The following WBP2 variants were observed in gnomAD, a reference collection of about 807,000 sequenced individuals.
The protein encoded by WBP2 is WW domain binding protein 2.
Under a neutral mutation model 33.0 loss-of-function variants are expected in WBP2, and 23 were observed. That is an observed-to-expected ratio of 0.70 (90% CI 0.50 to 0.99). The LOEUF (loss-of-function observed/expected upper bound fraction) is 0.99, where lower values mean the gene tolerates loss of function less well. Ranked by LOEUF, WBP2 falls within the 50% of genes least tolerant of loss-of-function variation. The pLI is 0.00. For missense variants in WBP2, 353 were observed against 358.0 expected (o/e 0.99, Z 0.11); for synonymous variants, 153 against 133.5 (o/e 1.15, Z -1.01).
intron 3 of WBP2, 108 bp from the exon 4 acceptor site, chr17:75,848,770 G>A (rs1347086117): frequency 2.1e-5 from 21 of 996,952 alleles, no homozygotes; most frequent in South Asian, 4.1e-5. Flanking sequence ...GGAGGCCTGC[G>A]GGGGCTGGGC....
rs1294302477 is a variant in WBP2, at chr17:75,847,933, A to C, written c.398-3T>G. ...ACTGGGGACTTCACCTCTGGAGGCT[A>C]CGAGTACAAGGGGAAAGAGAAATGA... On this transcript the variant is annotated splice_region_variant and splice_polypyrimidine_tract_variant and intron_variant, in intron 4 of 7. Transcript: ENST00000254806. 1 of 1,563,978 alleles carries C rather than the reference A, an allele frequency of 6.4e-7. No individual in the cohort carries two copies. The highest frequency in any genetic ancestry group is 1.9e-5 in the Admixed American group (1 of 52,544).
intron 3 of WBP2, chr17:75,849,035 C>T (rs895156402): frequency 3.2e-6 from 1 of 308,228 alleles, no homozygotes; most frequent in African/African-American, 2.1e-5. Context: ...CAGCAACAGC[C>T]GACCTTAAAA....
Position 75,847,911 on chromosome 17 carries a change from G to C in WBP2, c.417C>G (p.Pro139=). ...TGTAAGAGTAGCCATAGGCTCCACTGGGGACTTCACCTCTGGAGGCTACGA... is the reference window on the plus strand; with the variant it reads ...TGTAAGAGTAGCCATAGGCTCCACTCGGGACTTCACCTCTGGAGGCTACGA... ...VASQASRGEV[P]SGAYGYSYMP... is the part of the protein sequence containing the mutation. Residue 139 remains proline, a synonymous_variant, in exon 5 of 8, where the codon CCC becomes CCG. Coordinates refer to ENST00000254806, the MANE Select transcript of WBP2 (RefSeq NM_012478.4). The C allele has an allele frequency of 1.3e-6, 2 of 1,563,392 alleles. No individual in the cohort carries two copies. Among genetic ancestry groups the C allele is most frequent in the Non-Finnish European group, 1.7e-6 (2 of 1,153,946 alleles).
chr17:75,846,707 G>C lies in WBP2; in HGVS notation c.*27C>G. ...TGGGAGGGGTAGGGTAGAGAGATGAGGGTGGGAGGCAGGGAGGCAGGAGGG... is the reference window on the plus strand; with the variant it reads ...TGGGAGGGGTAGGGTAGAGAGATGACGGTGGGAGGCAGGGAGGCAGGAGGG... On this transcript the variant is annotated 3_prime_UTR_variant, in exon 8 of 8. Coordinates refer to ENST00000254806, the MANE Select transcript of WBP2 (RefSeq NM_012478.4). The surrounding 1 kb of genome is among the most constrained non-coding windows in gnomAD (Gnocchi z 4.8). The C allele has an allele frequency of 5.3e-6, 8 of 1,510,152 alleles. No homozygotes were observed. Among genetic ancestry groups the C allele is most frequent in the Non-Finnish European group, 7.1e-6 (8 of 1,125,778 alleles). 93.5% of individuals were successfully genotyped at this position (1,510,152 alleles called of 1,614,324 possible).
At position 75,847,783 on chromosome 17, in the gene WBP2, A is replaced by C; in HGVS notation, c.532+13T>G. On this transcript the variant is annotated intron_variant, in intron 5 of 7. Transcript: ENST00000254806. ...CTCATGAGGGGAGTGGGGGCAGCAAAGGACACACTCACCAGGTGGGGGCGG... is the reference window on the plus strand; with the variant it reads ...CTCATGAGGGGAGTGGGGGCAGCAACGGACACACTCACCAGGTGGGGGCGG... The C allele has an allele frequency of 1.3e-6, 2 of 1,550,136 alleles. No individual in the cohort carries two copies. Among genetic ancestry groups the C allele is most frequent in the South Asian group, 1.2e-5 (1 of 84,302 alleles).
intron 2 of WBP2, 136 bp from the exon 3 acceptor site, chr17:75,849,875 A>T: frequency 8.0e-7 from 1 of 1,247,526 alleles, no homozygotes. Flanking sequence ...TCTGTGCCAG[A>T]CACTCCTGGA....
intron 2 of WBP2, 131 bp from the exon 3 acceptor site, chr17:75,849,870 G>A (rs1599422882): frequency 3.1e-6 from 4 of 1,277,548 alleles, no homozygotes; most frequent in Non-Finnish European, 4.3e-6. Flanking sequence ...CTCTCTCTGT[G>A]CCAGACACTC....
At position 75,849,465 on chromosome 17, in the gene WBP2, A is replaced by G. The variant is rs75730863; in HGVS notation, c.304+139T>C. On this transcript the variant is annotated intron_variant, in intron 3 of 7. Coordinates refer to ENST00000254806, the MANE Select transcript of WBP2 (RefSeq NM_012478.4). ...CACCTCTTGGCAATCAAACCCCACC[A>G]GCTGGCAGCCCAGAGCTGGGAAGAG... The G allele has an allele frequency of 1.8e-3, 1,969 of 1,095,632 alleles. 22 individuals carry two copies. In the African/African-American group the frequency reaches 0.029, roughly 16 times the overall value. The allele number at this position is 1,095,632 out of a possible 1,614,324, so 67.9% of individuals were successfully genotyped here. A position where few individuals can be genotyped will look rare whatever the true frequency, so the allele number is the denominator to read the frequency against.
At chr17:75,855,159 TC>T in intron 1 of WBP2, 79 bp downstream of exon 1, 1 of 964,064 alleles carries the variant, frequency 1.0e-6, no homozygotes. Context: ...AGGGGCTTAT[TC>T]CCCACCACCC....
chr17:75,850,170 G>T (rs1477512170), intron 2 of WBP2, among the ~76,000 whole-genome samples: 3 of 152,164 alleles, frequency 2.0e-5, no homozygotes, highest in African/African-American at 7.2e-5. Flanking sequence ...TCCCATTGAG[G>T]GGGGCTATAA....
chr17:75,855,319 G>A lies in WBP2; in HGVS notation c.-22C>T, dbSNP rs755069610. 3 of 1,610,784 alleles carry A rather than the reference G, an allele frequency of 1.9e-6. No homozygotes were observed. The highest frequency in any genetic ancestry group is 1.3e-5 in the African/African-American group (1 of 74,732). The stretch of plus-strand genomic sequence containing the variant: ...CCATAGTCTCTCCAACAGGGGTCCC[G>A]AGACTCAAAACGCAATGAGCTTGCG... On this transcript the variant is annotated 5_prime_UTR_variant, in exon 1 of 8. Transcript: ENST00000254806.
intron 1 of WBP2, among the ~76,000 whole-genome samples, chr17:75,853,861 T>C (rs1019054592): frequency 6.6e-6 from 1 of 151,890 alleles, no homozygotes; most frequent in Non-Finnish European, 1.5e-5. Flanking sequence ...CTGCCCAACA[T>C]GGTGAAACCC....
rs1407190550 is a variant in WBP2 at position 75,848,276 on chromosome 17, G to A, written c.397+294C>T. On this transcript the variant is annotated intron_variant, in intron 4 of 7. Coordinates refer to ENST00000254806, the MANE Select transcript of WBP2 (RefSeq NM_012478.4). ...TTTCAATGGCTGCGGAACCGCAGTC[G>A]AATGGTTGGTTTAGTGTTTGTTTTA... 7 of 582,424 alleles carry A rather than the reference G, an allele frequency of 1.2e-5. No homozygotes were observed. The Admixed American group carries it at 1.8e-4, about 15-fold the overall frequency. The allele number at this position is 582,424 out of a possible 1,614,324, so 36.1% of individuals were successfully genotyped here. A position where few individuals can be genotyped will look rare whatever the true frequency, so the allele number is the denominator to read the frequency against.
rs1179484527 is a variant in WBP2 at position 75,848,241 on chromosome 17, C to T, written c.398-311G>A. 6 of 581,834 alleles carry T rather than the reference C, an allele frequency of 1.0e-5. No homozygotes were observed. The East Asian group carries it at 1.7e-4, about 17-fold the overall frequency. 36.0% of individuals were successfully genotyped at this position (581,834 alleles called of 1,614,324 possible). On this transcript the variant is annotated intron_variant, in intron 4 of 7. Coordinates refer to ENST00000254806, the MANE Select transcript of WBP2 (RefSeq NM_012478.4). ...GGCGGAGGATGTCTGCTGGCCCATC[C>T]CTCGGTCATTTTCAATGGCTGCGGA... is the stretch of plus-strand genomic sequence containing the variant.
At position 75,849,594 on chromosome 17, in the gene WBP2, C is replaced by T. The variant is rs765207715; in HGVS notation, c.304+10G>A. 6 of 1,613,764 alleles carry T rather than the reference C, an allele frequency of 3.7e-6. No homozygotes were observed. In the South Asian group the frequency reaches 4.4e-5, roughly 12 times the overall value. On this transcript the variant is annotated intron_variant, in intron 3 of 7. Transcript: ENST00000254806. Reference sequence around the variant, plus strand: ...GGCCCCATGCGTGTCCCTGAGTTCCCATCACCTACCTCCCGCTTCCGCCTT... The same window carrying T: ...GGCCCCATGCGTGTCCCTGAGTTCCTATCACCTACCTCCCGCTTCCGCCTT...
intron 3 of WBP2, chr17:75,849,403 T>C (rs1053838022): frequency 5.0e-6 from 3 of 604,448 alleles, no homozygotes; most frequent in Non-Finnish European, 8.6e-6. Context: ...TCTGAAAAGC[T>C]GATCTGAGCT....
chr17:75,848,080 T>C, intron 4 of WBP2, 150 bp from the exon 5 acceptor site: 1 of 1,082,810 alleles, frequency 9.2e-7, no homozygotes, highest in Non-Finnish European at 1.3e-6. Context: ...CCACCCATAC[T>C]CGGGGGGCCA....
Position 75,847,789 on chromosome 17 carries a change from C to T in WBP2, c.532+7G>A, listed in dbSNP as rs1363013592. On this transcript the variant is annotated splice_region_variant and intron_variant, in intron 5 of 7. Transcript: ENST00000254806. Reference sequence around the variant, plus strand: ...AGGGGAGTGGGGGCAGCAAAGGACACACTCACCAGGTGGGGGCGGTGGATA... The same window carrying T: ...AGGGGAGTGGGGGCAGCAAAGGACATACTCACCAGGTGGGGGCGGTGGATA... 6 of 1,553,576 alleles carry T rather than the reference C, an allele frequency of 3.9e-6. No homozygotes were observed. The highest frequency in any genetic ancestry group is 5.2e-6 in the Non-Finnish European group (6 of 1,147,716).
At chr17:75,851,527 G>C (rs1379917841) in intron 2 of WBP2, 41 bp downstream of exon 2, 2 of 1,497,422 alleles carry the variant, frequency 1.3e-6, no homozygotes, top group Non-Finnish European at 1.9e-6. Flanking sequence ...ACCTCCAACA[G>C]CAACAAGCCT....
Sources: gnomAD v4.1 joint callset for allele counts (sites outside exome capture counted in the v4.1 genomes callset) on GRCh38, gnomAD v4.1.1 for gene constraint, Gnocchi (gnomAD v3.1) non-coding constraint, MANE v1.5 for transcripts, NCBI Gene and HGNC (gene_info 2026-07-23, HGNC 2026-07-21) for gene names.